The following SAMD14 variants were observed in gnomAD, a reference collection of about 807,000 sequenced individuals.
SAMD14 encodes the protein sterile alpha motif domain containing 14.
SAMD14 carries 27 observed loss-of-function variants against 46.2 expected under a neutral mutation model. The observed-to-expected ratio is 0.58, with a 90% CI of 0.43 to 0.81. The LOEUF is 0.81. SAMD14 is among the 30% of genes least tolerant of loss of function. SAMD14 has a pLI of 0.00. For synonymous variants in SAMD14, 241 were observed against 254.3 expected (o/e 0.95, Z 0.50); for missense variants, 559 against 582.2 (o/e 0.96, Z 0.41).
chr17:50,114,271 G>C lies in SAMD14; in HGVS notation c.858C>G (p.Ser286Arg), dbSNP rs1220905303. ...STLSDDSTPP[S>R]SSPKIPSGPW... Reference sequence around the variant, plus strand: ...GCCCACTGGGGATCTTGGGGCTGCTGCTGGGGGGCGTGGAGTCATCACTCA... The same window carrying C: ...GCCCACTGGGGATCTTGGGGCTGCTCCTGGGGGGCGTGGAGTCATCACTCA... Residue 286 changes from serine to arginine, a missense_variant, in exon 8 of 10, where the codon AGC becomes AGG. Ser to Arg is a moderately radical substitution (Grantham distance 110). Coordinates refer to ENST00000330175, the MANE Select transcript of SAMD14 (RefSeq NM_001257359.2). The C allele has an allele frequency of 1.2e-6, 2 of 1,614,108 alleles. No individual in the cohort carries two copies. Among genetic ancestry groups the C allele is most frequent in the East Asian group, 4.5e-5 (2 of 44,886 alleles).
At position 50,127,239 on chromosome 17, in the gene SAMD14, GGGT is replaced by G. The variant is rs925451245; in HGVS notation, c.-12-2271_-12-2269del. 6.4e-4 allele frequency among the ~76,000 whole-genome samples: 98 copies of G among 152,300 alleles called. 1 individual carries two copies. The highest frequency in any genetic ancestry group is 2.3e-3 in the African/African-American group (96 of 41,564). On this transcript the variant is annotated intron_variant, in intron 1 of 9. Coordinates refer to ENST00000330175, the MANE Select transcript of SAMD14 (RefSeq NM_001257359.2). ...TCCTAGGTGATGATCTTCAGTTTAG[GGGT>G]GGAGGAAGAGATAAGCATAGAGGGA...
chr17:50,114,111 G>T lies in SAMD14; in HGVS notation c.943-32C>A, dbSNP rs546431993. On this transcript the variant is annotated intron_variant, in intron 8 of 9. Transcript: ENST00000330175. ...AGAGACCAAGGAGAGTGAGGGGGAG[G>T]CTTGGCCTGTGACCTGAGCACCTTG... The T allele has an allele frequency of 7.2e-5, 116 of 1,613,778 alleles. 1 individual carries two copies. In the South Asian group the frequency reaches 1.3e-3, roughly 18 times the overall value.
At chr17:50,117,752 T>C (rs1178917298) in intron 3 of SAMD14, 57 bp from the exon 4 acceptor site, 24 of 1,373,966 alleles carry the variant, frequency 1.7e-5, no homozygotes, top group Non-Finnish European at 1.9e-5. Flanking sequence ...CCGGAGGAGC[T>C]GGGAGACTTT....
Position 50,115,875 on chromosome 17 carries a change from T to C in SAMD14, c.617A>G (p.Lys206Arg). ...GVTLRRASTG[K>R]SRKEKGSNRL... ...GTTGCTGCCTTTCTCCTTCCGGCTC[T>C]TGCCCGTGGATGCTCGGCGCAGGGT... is the stretch of plus-strand genomic sequence containing the variant. Residue 206 changes from lysine to arginine, a missense_variant, in exon 6 of 10, where the codon AAG becomes AGG. Lys to Arg is a conservative substitution (Grantham distance 26, BLOSUM62 2). Coordinates refer to ENST00000330175, the MANE Select transcript of SAMD14 (RefSeq NM_001257359.2). The surrounding 1 kb of genome is among the most constrained non-coding windows in gnomAD (Gnocchi z 5.3). The C allele has an allele frequency of 3.1e-6, 5 of 1,613,454 alleles. No homozygotes were observed. The highest frequency in any genetic ancestry group is 4.2e-6 in the Non-Finnish European group (5 of 1,179,852).
intron 7 of SAMD14, 186 bp from the exon 8 acceptor site, chr17:50,114,492 G>T: frequency 1.3e-6 from 2 of 1,549,214 alleles, no homozygotes; most frequent in Non-Finnish European, 1.8e-6. Flanking sequence ...TGAAGCCTTT[G>T]GGAGAGCAGG....
In SAMD14 at chr17:50,112,850, C is replaced by A; in HGVS notation, c.*43G>T. On this transcript the variant is annotated 3_prime_UTR_variant, in exon 10 of 10. Transcript: ENST00000330175. ...CTGGTGAGGCCTGTGCCCGCGGAGC[C>A]AGTGGCTGCCCCTGCCGGGTGCCAG... 1 of 1,578,786 alleles carries A rather than the reference C, an allele frequency of 6.3e-7. No individual in the cohort carries two copies. Among genetic ancestry groups the A allele is most frequent in the Non-Finnish European group, 8.6e-7 (1 of 1,169,016 alleles).
intron 9 of SAMD14, chr17:50,113,492 G>C (rs1299060164): frequency 3.8e-6 from 1 of 265,550 alleles, no homozygotes; most frequent in Non-Finnish European, 7.3e-6. Flanking sequence ...GAACCTCCCA[G>C]CTTATAGGTC....
At position 50,129,880 on chromosome 17, in the gene SAMD14, G is replaced by T. The variant is rs1362166097; in HGVS notation, c.-376C>A. 1 of 152,040 alleles carries T rather than the reference G, an allele frequency of 6.6e-6. No individual in the cohort carries two copies. Among genetic ancestry groups the T allele is most frequent in the East Asian group, 1.9e-4 (1 of 5,132 alleles). 9.4% of individuals were successfully genotyped at this position (152,040 alleles called of 1,614,324 possible). On this transcript the variant is annotated 5_prime_UTR_variant, in exon 1 of 10. Coordinates refer to ENST00000330175, the MANE Select transcript of SAMD14 (RefSeq NM_001257359.2). The surrounding 1 kb of genome is among the most constrained non-coding windows in gnomAD (Gnocchi z 5.6). ...AGAGAGAGAAGAGCGAAGAGCGAGCGCCACCTCCCTCCCCGCCCCTGCCGC... is the reference window on the plus strand; with the variant it reads ...AGAGAGAGAAGAGCGAAGAGCGAGCTCCACCTCCCTCCCCGCCCCTGCCGC...
intron 3 of SAMD14, 95 bp downstream of exon 3, chr17:50,118,066 G>T (rs1193572844): frequency 7.4e-7 from 1 of 1,352,642 alleles, no homozygotes. Flanking sequence ...TGGGGATGTG[G>T]TTTCCCTGGA....
At chr17:50,126,270 G>C (rs1598236119) in intron 1 of SAMD14, among the ~76,000 whole-genome samples, 1 of 151,780 alleles carries the variant, frequency 6.6e-6, no homozygotes, top group East Asian at 1.9e-4. Context: ...TTATTACATA[G>C]ACATCATCTA....
chr17:50,110,110 A>T lies in SAMD14; in HGVS notation c.*2783T>A. The T allele has an allele frequency of 6.3e-7, 1 of 1,587,792 alleles. No individual in the cohort carries two copies. The highest frequency in any genetic ancestry group is 1.1e-5 in the South Asian group (1 of 88,434). On this transcript the variant is annotated 3_prime_UTR_variant, in exon 10 of 10. Transcript: ENST00000330175. ...CCGCGTCAGCTAAGGGCCGCCGTGC[A>T]TCTGCACCTGAGAGGACGGACTGCC...
At chr17:50,121,448 G>C (rs1185096241) in intron 2 of SAMD14, among the ~76,000 whole-genome samples, 1 of 151,976 alleles carries the variant, frequency 6.6e-6, no homozygotes, top group African/African-American at 2.4e-5. Context: ...CTCCCAAGTA[G>C]CTGGGACTAC....
At position 50,112,466 on chromosome 17, in the gene SAMD14, C is replaced by T. The variant is rs1262740456; in HGVS notation, c.*427G>A. On this transcript the variant is annotated 3_prime_UTR_variant, in exon 10 of 10. Coordinates refer to ENST00000330175, the MANE Select transcript of SAMD14 (RefSeq NM_001257359.2). ...ATGGGCTCCTGCTGAAATGCCCAGC[C>T]CAGCTCTGAGCCCTGGGGCCCGGCC... 1 of 159,234 alleles carries T rather than the reference C, an allele frequency of 6.3e-6. No homozygotes were observed. Among genetic ancestry groups the T allele is most frequent in the East Asian group, 1.9e-4 (1 of 5,390 alleles). The allele number at this position is 159,234 out of a possible 1,614,324, so 9.9% of individuals were successfully genotyped here. A position where few individuals can be genotyped will look rare whatever the true frequency, so the allele number is the denominator to read the frequency against.
chr17:50,126,305 ATTTT>A (rs397856571), intron 1 of SAMD14, among the ~76,000 whole-genome samples: 1 of 139,580 alleles, frequency 7.2e-6, no homozygotes, highest in Non-Finnish European at 1.5e-5. Context: ...AGCCTTGGGA[ATTTT>A]TTTTTTTTTT....
intron 4 of SAMD14, among the ~76,000 whole-genome samples, chr17:50,116,579 G>A (rs1186598641): frequency 6.6e-6 from 1 of 151,546 alleles, no homozygotes; most frequent in African/African-American, 2.4e-5. Flanking sequence ...CTAATTTTTT[G>A]TGTTTTTAGT....
At chr17:50,122,977 C>T (rs970032411) in intron 2 of SAMD14, among the ~76,000 whole-genome samples, 3 of 152,126 alleles carry the variant, frequency 2.0e-5, no homozygotes, top group African/African-American at 7.2e-5. Flanking sequence ...GCCCTCTGTT[C>T]CCAGCCCCCT....
In SAMD14 at chr17:50,129,650, G is replaced by A. The variant is rs985062158; in HGVS notation, c.-146C>T. ...CGCGGGGGGCTCCGGGCGGGCTCGA[G>A]CCGCTCCATCCCGGGGGTGGGGGTG... On this transcript the variant is annotated 5_prime_UTR_variant, in exon 1 of 10. Coordinates refer to ENST00000330175, the MANE Select transcript of SAMD14 (RefSeq NM_001257359.2). This position sits in a 1 kb window ranked among gnomAD's most constrained non-coding sequence, Gnocchi z 5.6. The A allele has an allele frequency of 2.0e-5, 3 of 151,454 alleles. No individual in the cohort carries two copies. Among genetic ancestry groups the A allele is most frequent in the African/African-American group, 7.3e-5 (3 of 41,212 alleles). 9.4% of individuals were successfully genotyped at this position (151,454 alleles called of 1,614,324 possible).
In SAMD14 at chr17:50,110,155, G is replaced by A. The variant is rs1567715385; in HGVS notation, c.*2738C>T. 13 of 1,505,948 alleles carry A rather than the reference G, an allele frequency of 8.6e-6. No individual in the cohort carries two copies. Among genetic ancestry groups the A allele is most frequent in the South Asian group, 2.6e-5 (2 of 77,868 alleles). The allele number at this position is 1,505,948 out of a possible 1,614,324, so 93.3% of individuals were successfully genotyped here. On this transcript the variant is annotated 3_prime_UTR_variant, in exon 10 of 10. Transcript: ENST00000330175. ...ACTGCCGCCTCTGGGTCCCCCCACC[G>A]TGGTGCCCCTCACCATCCTCCTGGG...
chr17:50,124,424 C>T (rs1263137016), intron 2 of SAMD14, among the ~76,000 whole-genome samples: 1 of 152,068 alleles, frequency 6.6e-6, no homozygotes, highest in African/African-American at 2.4e-5. Flanking sequence ...TTGGAGGTAA[C>T]GTGTGTCATC....
Sources: allele counts gnomAD v4.1 joint callset (sites outside exome capture counted in the v4.1 genomes callset), GRCh38; gene constraint gnomAD v4.1.1; non-coding constraint Gnocchi (gnomAD v3.1); transcripts MANE v1.5; gene names NCBI Gene and HGNC (gene_info 2026-07-23, HGNC 2026-07-21).